The following KAZN variants were observed in gnomAD, a reference collection of about 807,000 sequenced individuals.
KAZN encodes kazrin.
KAZN carries 40 observed loss-of-function variants against 87.4 expected under a neutral mutation model. The ratio of observed to expected loss-of-function variants is 0.46; its 90% CI spans 0.36 to 0.60. The LOEUF (loss-of-function observed/expected upper bound fraction) is 0.60. KAZN is among the 20% of genes least tolerant of loss of function. The pLI is 0.00. For synonymous variants in KAZN, 466 were observed against 458.3 expected, an observed-to-expected ratio of 1.02 and a Z score of -0.22; for missense variants, 898 against 1,073.9, an observed-to-expected ratio of 0.84 and a Z score of 2.29.
intron 1 of KAZN, among the ~76,000 whole-genome samples, chr1:14,165,770 C>T (rs994633724): frequency 6.6e-5 from 10 of 152,202 alleles, no homozygotes; most frequent in African/African-American, 2.2e-4. Flanking sequence ...ATCTTTGGCT[C>T]TGACTACAGT....
chr1:14,760,156 T>C (rs1644699209), intron 1 of KAZN, among the ~76,000 whole-genome samples: 1 of 152,080 alleles, frequency 6.6e-6, no homozygotes, highest in Admixed American at 6.6e-5. Flanking sequence ...AACCAACCAA[T>C]GCTCGCCTGG....
At chr1:14,888,367 T>C (rs1295320930) in intron 1 of KAZN, among the ~76,000 whole-genome samples, 13 of 152,132 alleles carry the variant, frequency 8.5e-5, no homozygotes, top group Admixed American at 7.9e-4. Flanking sequence ...CTGGAGTCTC[T>C]TCAAAGGGCT....
chr1:14,737,817 T>C (rs773153931), intron 1 of KAZN, among the ~76,000 whole-genome samples: 2 of 152,206 alleles, frequency 1.3e-5, no homozygotes, highest in Non-Finnish European at 2.9e-5. Context: ...TGCCTGCAGT[T>C]CCTTGACACA....
chr1:14,645,457 G>A (rs1453371353), intron 1 of KAZN, among the ~76,000 whole-genome samples: 1 of 152,142 alleles, frequency 6.6e-6, no homozygotes, highest in Non-Finnish European at 1.5e-5. Context: ...TCCATTAGTT[G>A]TGTCTTCTCT....
At chr1:15,028,757 G>T (rs1447749947) in intron 2 of KAZN, among the ~76,000 whole-genome samples, 3 of 152,218 alleles carry the variant, frequency 2.0e-5, no homozygotes, top group African/African-American at 7.2e-5. Flanking sequence ...TAGCCTGGCA[G>T]AGTCCAGCCC....
At chr1:13,958,366 A>T (rs1029095643) in intron 1 of KAZN, among the ~76,000 whole-genome samples, 1 of 151,916 alleles carries the variant, frequency 6.6e-6, no homozygotes, top group African/African-American at 2.4e-5. Flanking sequence ...GTCAGAGGAT[A>T]GAGACCATCC....
chr1:14,165,666 G>A (rs1645809696), intron 1 of KAZN, among the ~76,000 whole-genome samples: 1 of 152,188 alleles, frequency 6.6e-6, no homozygotes, highest in Admixed American at 6.5e-5. Flanking sequence ...GAAAAGAACA[G>A]TCTGTTGTCA....
intron 2 of KAZN, among the ~76,000 whole-genome samples, chr1:14,417,838 T>C (rs781751715): frequency 7.3e-5 from 11 of 149,928 alleles, no homozygotes; most frequent in South Asian, 2.1e-4. Flanking sequence ...CTACTAAAAA[T>C]AGAAAAAATT....
At chr1:14,738,856 G>A (rs1267092823) in intron 1 of KAZN, among the ~76,000 whole-genome samples, 1 of 152,164 alleles carries the variant, frequency 6.6e-6, no homozygotes, top group Admixed American at 6.5e-5. Flanking sequence ...ACAGCAAGTA[G>A]AGGGCAGAGT....
intron 1 of KAZN, among the ~76,000 whole-genome samples, chr1:14,050,384 G>A (rs1229079782): frequency 6.6e-6 from 1 of 152,198 alleles, no homozygotes; most frequent in Non-Finnish European, 1.5e-5. Context: ...TGGAGACTGG[G>A]TGATTTATAA....
chr1:13,944,515 T>C (rs1641060784), intron 1 of KAZN, among the ~76,000 whole-genome samples: 1 of 152,232 alleles, frequency 6.6e-6, no homozygotes, highest in African/African-American at 2.4e-5. Flanking sequence ...AGTATTATGA[T>C]ATGTAAGATA....
intron 1 of KAZN, among the ~76,000 whole-genome samples, chr1:14,055,444 T>C (rs1241375974): frequency 1.3e-5 from 2 of 152,142 alleles, no homozygotes; most frequent in Non-Finnish European, 2.9e-5. Context: ...GACACACGCA[T>C]GTTGATTGGG....
At chr1:15,042,132 A>G (rs545406462) in intron 3 of KAZN, among the ~76,000 whole-genome samples, 1 of 152,192 alleles carries the variant, frequency 6.6e-6, no homozygotes, top group East Asian at 1.9e-4. Context: ...GTTCGTGAGT[A>G]GTAGTGTGAA....
chr1:15,064,625 T>C (rs145007296), intron 7 of KAZN, among the ~76,000 whole-genome samples: 86 of 152,314 alleles, frequency 5.6e-4, no homozygotes, highest in African/African-American at 2.1e-3. Context: ...CTTTCCAGGG[T>C]TCCACAGGTA....
At chr1:14,887,345 C>T (rs1042625727) in intron 1 of KAZN, among the ~76,000 whole-genome samples, 1 of 152,176 alleles carries the variant, frequency 6.6e-6, no homozygotes, top group African/African-American at 2.4e-5. Flanking sequence ...AGGCTCCTTT[C>T]GGCATGAGTG....
intron 2 of KAZN, among the ~76,000 whole-genome samples, chr1:15,002,082 G>A (rs573884169): frequency 5.2e-4 from 79 of 151,826 alleles, no homozygotes; most frequent in African/African-American, 1.8e-3. Flanking sequence ...GGGTTTCACC[G>A]TGTTAGCCAG....
chr1:14,299,507 AAAAAG>A (rs376907572), intron 2 of KAZN, among the ~76,000 whole-genome samples: 74 of 152,328 alleles, frequency 4.9e-4, no homozygotes, highest in African/African-American at 1.3e-3. Context: ...ACTGTCTCAA[AAAAAG>A]AAAAGAAAAG....
chr1:14,592,713 C>A (rs1263522158), intron 2 of KAZN, among the ~76,000 whole-genome samples: 1 of 152,224 alleles, frequency 6.6e-6, no homozygotes, highest in Non-Finnish European at 1.5e-5. Context: ...CTGGCTCCTG[C>A]AAGCAGCCAC....
chr1:14,860,193 C>G (rs556172547), intron 1 of KAZN, among the ~76,000 whole-genome samples: 29 of 151,718 alleles, frequency 1.9e-4, no homozygotes, highest in African/African-American at 6.5e-4. Flanking sequence ...CTCTCTCTCT[C>G]TCTCTTTCTC....
Sources: gnomAD v4.1 joint callset for allele counts (sites outside exome capture counted in the v4.1 genomes callset) on GRCh38, gnomAD v4.1.1 for gene constraint, MANE v1.5 for transcripts, NCBI Gene and HGNC (gene_info 2026-07-23, HGNC 2026-07-21) for gene names.